The following FRMD3 variants were observed in gnomAD, a reference collection of about 807,000 sequenced individuals.
The protein encoded by FRMD3 is FERM domain-containing protein 3.
A neutral mutation model predicts 70.2 loss-of-function variants in FRMD3; 33 were observed. The ratio of observed to expected loss-of-function variants is 0.47; its 90% CI spans 0.36 to 0.63. The LOEUF (loss-of-function observed/expected upper bound fraction) is 0.63. FRMD3 is among the 20% of genes least tolerant of loss of function. FRMD3 has a pLI of 0.00. For synonymous variants in FRMD3, 279 were observed against 255.9 expected, an observed-to-expected ratio of 1.09 and a Z score of -0.86; for missense variants, 632 against 711.4, an observed-to-expected ratio of 0.89 and a Z score of 1.27.
At chr9:83,368,251 T>A (rs1176974532) in intron 3 of FRMD3, among the ~76,000 whole-genome samples, 1 of 152,146 alleles carries the variant, frequency 6.6e-6, no homozygotes, top group African/African-American at 2.4e-5. Flanking sequence ...GTCATGAAAA[T>A]CTATATGAGC....
Position 83,456,702 on chromosome 9 carries a change from G to A in FRMD3, c.148-66994C>T, listed in dbSNP as rs191935997. Among the ~76,000 whole-genome samples the A allele has an allele frequency of 4.6e-5, 7 of 152,174 alleles. No homozygotes were observed. In the East Asian group the frequency reaches 7.7e-4, roughly 17 times the overall value. ...AGTGTAACTTAAAACAATACAGGCC[G>A]GGCACAGTGGCTCACACCTGTAATC... On this transcript the variant is annotated intron_variant, in intron 1 of 13. Coordinates refer to ENST00000304195, the MANE Select transcript of FRMD3 (RefSeq NM_174938.6).
the FRMD3 span, among the ~76,000 whole-genome samples, chr9:83,545,775 A>G: frequency 6.6e-6 from 1 of 152,030 alleles, no homozygotes; most frequent in Non-Finnish European, 1.5e-5. Flanking sequence ...AGTTTGGAAA[A>G]CCTATTTGAG....
chr9:83,401,389 A>G (rs1286347673), intron 1 of FRMD3, among the ~76,000 whole-genome samples: 4 of 152,232 alleles, frequency 2.6e-5, no homozygotes, highest in African/African-American at 9.6e-5. Context: ...AGATAATCTT[A>G]TCCAAACTCT....
At chr9:83,316,496 T>C (rs1363675819) in intron 6 of FRMD3, among the ~76,000 whole-genome samples, 1 of 152,198 alleles carries the variant, frequency 6.6e-6, no homozygotes, top group Non-Finnish European at 1.5e-5. Context: ...TTTAAAGCCA[T>C]CTACAGAATA....
intron 1 of FRMD3, among the ~76,000 whole-genome samples, chr9:83,398,621 C>T (rs994966801): frequency 7.9e-5 from 12 of 152,026 alleles, no homozygotes; most frequent in African/African-American, 9.7e-5. Flanking sequence ...CAAACCTGCA[C>T]GTTGTGCACA....
At chr9:83,582,124 G>A in the FRMD3 span, among the ~76,000 whole-genome samples, 1 of 152,014 alleles carries the variant, frequency 6.6e-6, no homozygotes, top group Admixed American at 6.5e-5. Flanking sequence ...CCCAGCTGGA[G>A]TACAGTGGCA....
At chr9:83,304,538 T>C (rs184971178) in intron 10 of FRMD3, among the ~76,000 whole-genome samples, 1 of 152,330 alleles carries the variant, frequency 6.6e-6, no homozygotes, top group African/African-American at 2.4e-5. Flanking sequence ...GGTTCTTACC[T>C]ACCAAGCATA....
At chr9:83,514,089 C>T (rs1189901984) in intron 1 of FRMD3, among the ~76,000 whole-genome samples, 1 of 152,232 alleles carries the variant, frequency 6.6e-6, no homozygotes, top group East Asian at 1.9e-4. Flanking sequence ...ACCCCAGTGG[C>T]ACCTGGAGCA....
At chr9:83,276,722 A>C (rs186634909) in intron 13 of FRMD3, among the ~76,000 whole-genome samples, 1 of 152,234 alleles carries the variant, frequency 6.6e-6, no homozygotes, top group Non-Finnish European at 1.5e-5. Context: ...ATATGTATAC[A>C]TACTGAGACA....
intron 3 of FRMD3, among the ~76,000 whole-genome samples, chr9:83,371,569 G>A (rs3928783): frequency 0.39 from 58,809 of 152,098 alleles, 11,810 homozygotes; most frequent in Admixed American, 0.47. Context: ...CCTGCCTCAC[G>A]CCTCCTAAAG....
intron 1 of FRMD3, among the ~76,000 whole-genome samples, chr9:83,496,911 C>T (rs558305828): frequency 6.6e-6 from 1 of 152,162 alleles, no homozygotes; most frequent in South Asian, 2.1e-4. Flanking sequence ...GTCAGAAGTT[C>T]GAGACCAGCC....
At chr9:83,347,579 A>G (rs1334678209) in intron 4 of FRMD3, among the ~76,000 whole-genome samples, 1 of 152,214 alleles carries the variant, frequency 6.6e-6, no homozygotes, top group Non-Finnish European at 1.5e-5. Flanking sequence ...AGGATAAAAA[A>G]TGATTTCAAA....
intron 3 of FRMD3, among the ~76,000 whole-genome samples, chr9:83,357,632 C>G (rs769640886): frequency 6.6e-6 from 1 of 151,698 alleles, no homozygotes; most frequent in African/African-American, 2.4e-5. Flanking sequence ...GCAGTAGTAA[C>G]GTATCACATT....
chr9:83,313,771 A>G (rs1835456262), intron 6 of FRMD3, 24 bp from the exon 7 acceptor site: 2 of 1,573,738 alleles, frequency 1.3e-6, no homozygotes, highest in South Asian at 1.1e-5. Context: ...AGAAAAGTTG[A>G]GGCAGTTAAA....
chr9:83,300,463 T>C (rs1379430482), intron 10 of FRMD3, among the ~76,000 whole-genome samples: 1 of 152,344 alleles, frequency 6.6e-6, no homozygotes, highest in East Asian at 1.9e-4. Context: ...CCAAAAATTC[T>C]ATATTCTCAC....
At chr9:83,509,139 T>C (rs1034934739) in intron 1 of FRMD3, among the ~76,000 whole-genome samples, 1 of 148,108 alleles carries the variant, frequency 6.8e-6, no homozygotes, top group African/African-American at 2.7e-5. Context: ...TTTCTGTGTG[T>C]TTTTTCCGTA....
intron 1 of FRMD3, among the ~76,000 whole-genome samples, chr9:83,451,410 C>CAA (rs960856173): frequency 1.3e-5 from 2 of 151,738 alleles, no homozygotes; most frequent in Non-Finnish European, 2.9e-5. Flanking sequence ...CACACACACA[C>CAA]ACACACACAC....
At chr9:83,280,043 C>T (rs909858276) in intron 13 of FRMD3, among the ~76,000 whole-genome samples, 45 of 152,210 alleles carry the variant, frequency 3.0e-4, no homozygotes, top group African/African-American at 9.9e-4. Flanking sequence ...CTTTCAAAAG[C>T]AATGACCAAT....
In FRMD3 at chr9:83,298,178, G is replaced by A. The variant is rs147546481; in HGVS notation, c.1070+570C>T. On this transcript the variant is annotated intron_variant, in intron 12 of 13. Transcript: ENST00000304195. ...GCTTTAGATATGCAGCATATTTGAG[G>A]TTTAGGATGGGCAATGATTTGTGTA... Among the ~76,000 whole-genome samples, 977 of 152,320 alleles carry A rather than the reference G, an allele frequency of 6.4e-3. 11 individuals are homozygous for A. The highest frequency in any genetic ancestry group is 0.022 in the African/African-American group (906 of 41,564).
Sources: gnomAD v4.1 joint callset for allele counts (sites outside exome capture counted in the v4.1 genomes callset) on GRCh38, gnomAD v4.1.1 for gene constraint, MANE v1.5 for transcripts, NCBI Gene and HGNC (gene_info 2026-07-23, HGNC 2026-07-21) for gene names.